Variants in FAM83B observed in about 807,000 individuals in gnomAD.
FAM83B encodes the protein protein FAM83B.
Under a neutral mutation model 38.8 loss-of-function variants are expected in FAM83B, and 26 were observed. The ratio of observed to expected loss-of-function variants is 0.67; its 90% confidence interval spans 0.49 to 0.93. The LOEUF is 0.93. Among genes scored for constraint, FAM83B ranks in the 40% least tolerant of loss-of-function variants. The pLI is 0.00. For synonymous variants in FAM83B, 419 were observed against 423.1 expected (o/e 0.99, Z 0.12); for missense variants, 1,237 against 1,197.3 (o/e 1.03, Z -0.49).
At chr6:54,895,386 C>G (rs1466462928) in intron 2 of FAM83B, among the ~76,000 whole-genome samples, 1 of 152,164 alleles carries the variant, frequency 6.6e-6, no homozygotes, top group Non-Finnish European at 1.5e-5. Flanking sequence ...CTCCGTGGGA[C>G]TTGTACATTT....
chr6:54,870,630 A>G lies in FAM83B; in HGVS notation c.384A>G (p.Pro128=). Reference sequence around the variant, plus strand: ...ATATAGATCTCCTTTTTCATCCACCAAGAGCACATCTACTTACGATAAAAG... The same window carrying G: ...ATATAGATCTCCTTTTTCATCCACCGAGAGCACATCTACTTACGATAAAAG... ...GTHIDLLFHP[P]RAHLLTIKET... The change falls in exon 2 of 5, where the codon CCA becomes CCG. Residue 128 remains proline (P), a synonymous_variant. Coordinates refer to ENST00000306858, the MANE Select transcript of FAM83B (RefSeq NM_001010872.3). The G allele has an allele frequency of 6.2e-7, 1 of 1,613,828 alleles. No individual in the cohort carries two copies. Among genetic ancestry groups the G allele is most frequent in the Non-Finnish European group, 8.5e-7 (1 of 1,179,912 alleles).
chr6:54,864,005 G>A (rs1204168377), intron 1 of FAM83B, among the ~76,000 whole-genome samples: 3 of 152,148 alleles, frequency 2.0e-5, no homozygotes, highest in Non-Finnish European at 4.4e-5. Flanking sequence ...TTTAAGCCAT[G>A]TATAATCCTT....
At position 54,850,946 on chromosome 6, in the gene FAM83B, A is replaced by C. The variant is rs9396001; in HGVS notation, c.-61+4120A>C. ...AGGCAGAGAATTTTTTGAACCTGGG[A>C]GGCAGAGCTTGCAGTGAGCCCAGGT... On this transcript the variant is annotated intron_variant, in intron 1 of 4. Transcript: ENST00000306858. Among the ~76,000 whole-genome samples, 446 of 142,718 alleles carry C rather than the reference A, an allele frequency of 3.1e-3. 6 individuals are homozygous for C. In the East Asian group the frequency reaches 0.031, roughly 10 times the overall value. 93.6% of individuals were successfully genotyped at this position (142,718 alleles called of 152,430 possible).
chr6:54,903,783 A>T (rs1228272373), intron 2 of FAM83B, among the ~76,000 whole-genome samples: 2 of 151,804 alleles, frequency 1.3e-5, no homozygotes, highest in Non-Finnish European at 2.9e-5. Flanking sequence ...ATACTATTTT[A>T]TTCTAGCATA....
intron 1 of FAM83B, among the ~76,000 whole-genome samples, chr6:54,852,969 A>G (rs1771346094): frequency 6.6e-6 from 1 of 151,438 alleles, no homozygotes; most frequent in African/African-American, 2.4e-5. Context: ...CTCATTGGCT[A>G]TTGTTGTTAG....
intron 2 of FAM83B, among the ~76,000 whole-genome samples, chr6:54,882,650 C>T (rs1286343648): frequency 6.6e-6 from 1 of 152,136 alleles, no homozygotes; most frequent in African/African-American, 2.4e-5. Flanking sequence ...CACATGGACT[C>T]CAACTCATAA....
intron 2 of FAM83B, among the ~76,000 whole-genome samples, chr6:54,918,094 T>A (rs1773086617): frequency 6.6e-6 from 1 of 152,172 alleles, no homozygotes; most frequent in Non-Finnish European, 1.5e-5. Context: ...AATAGTCATA[T>A]ATAAATATTG....
In FAM83B at chr6:54,939,850, G is replaced by A; in HGVS notation, c.879G>A (p.Arg293=). ...PSSFAQEESA[R]VKHGKALWEN... is the part of the protein sequence containing the mutation. Reference sequence around the variant, plus strand: ...CATTTGCTCAGGAAGAATCAGCAAGGGTGAAGCATGGAAAAGCCCTCTGGG... The same window carrying A: ...CATTTGCTCAGGAAGAATCAGCAAGAGTGAAGCATGGAAAAGCCCTCTGGG... Residue 293 remains arginine (R), a synonymous_variant, in exon 5 of 5, where the codon AGG becomes AGA. Transcript: ENST00000306858. The A allele has an allele frequency of 2.5e-6, 4 of 1,613,970 alleles. No individual in the cohort carries two copies. The highest frequency in any genetic ancestry group is 3.4e-6 in the Non-Finnish European group (4 of 1,179,948).
At chr6:54,856,226 T>C (rs1312067634) in intron 1 of FAM83B, among the ~76,000 whole-genome samples, 2 of 152,162 alleles carry the variant, frequency 1.3e-5, no homozygotes, top group Non-Finnish European at 2.9e-5. Context: ...CATATGTAAA[T>C]TGTGCAGAGC....
intron 1 of FAM83B, among the ~76,000 whole-genome samples, chr6:54,850,729 A>G (rs1033242241): frequency 2.0e-5 from 3 of 152,270 alleles, no homozygotes; most frequent in Admixed American, 6.5e-5. Flanking sequence ...TAAAAGTACT[A>G]TATTTTAACG....
intron 2 of FAM83B, among the ~76,000 whole-genome samples, chr6:54,910,905 A>C (rs1403699045): frequency 6.6e-6 from 1 of 152,148 alleles, no homozygotes; most frequent in African/African-American, 2.4e-5. Context: ...GGGATGTAAC[A>C]ACAGTTTGTA....
At chr6:54,848,607 C>A (rs886277631) in intron 1 of FAM83B, among the ~76,000 whole-genome samples, 3 of 152,188 alleles carry the variant, frequency 2.0e-5, no homozygotes, top group Non-Finnish European at 4.4e-5. Context: ...CCTCTACCGT[C>A]CACCGTTCTT....
chr6:54,872,977 G>A (rs1771893893), intron 2 of FAM83B, among the ~76,000 whole-genome samples: 2 of 148,142 alleles, frequency 1.4e-5, no homozygotes, highest in African/African-American at 2.5e-5. Flanking sequence ...AGACGACTTC[G>A]ATTTGGTGCA....
Position 54,944,095 on chromosome 6 carries a change from A to T in FAM83B, c.*2088A>T, listed in dbSNP as rs1441946631. ...TTTCTTGTATCTTTTTTCTTCAAAA[A>T]TATCTATATTTGAGAATATGTACAT... On this transcript the variant is annotated 3_prime_UTR_variant, in exon 5 of 5. Coordinates refer to ENST00000306858, the MANE Select transcript of FAM83B (RefSeq NM_001010872.3). 1 of 152,134 alleles carries T rather than the reference A, an allele frequency of 6.6e-6. No homozygotes were observed. Among genetic ancestry groups the T allele is most frequent in the African/African-American group, 2.4e-5 (1 of 41,446 alleles). 9.4% of individuals were successfully genotyped at this position (152,134 alleles called of 1,614,324 possible).
At chr6:54,903,176 G>A (rs990798011) in intron 2 of FAM83B, among the ~76,000 whole-genome samples, 3 of 151,916 alleles carry the variant, frequency 2.0e-5, no homozygotes, top group Non-Finnish European at 2.9e-5. Flanking sequence ...CATTATATAC[G>A]TGTACCATAA....
chr6:54,885,067 C>T (rs1295020735), intron 2 of FAM83B, among the ~76,000 whole-genome samples: 1 of 152,010 alleles, frequency 6.6e-6, no homozygotes, highest in Non-Finnish European at 1.5e-5. Context: ...CCACTGCGCC[C>T]GGCCCAGTAA....
chr6:54,900,852 A>G (rs1772646291), intron 2 of FAM83B, among the ~76,000 whole-genome samples: 1 of 152,216 alleles, frequency 6.6e-6, no homozygotes, highest in South Asian at 2.1e-4. Context: ...AAAGGCTGGG[A>G]AATGTGGGCA....
chr6:54,920,489 G>C (rs1054257489), intron 2 of FAM83B, among the ~76,000 whole-genome samples: 2 of 151,610 alleles, frequency 1.3e-5, no homozygotes, highest in African/African-American at 4.8e-5. Context: ...ATTAACCCAA[G>C]GTACACCTAT....
intron 2 of FAM83B, among the ~76,000 whole-genome samples, chr6:54,896,492 T>G (rs1020981702): frequency 5.9e-5 from 9 of 152,154 alleles, no homozygotes; most frequent in African/African-American, 2.2e-4. Flanking sequence ...CACATCAGAT[T>G]ATAAGTATGA....
Sources: gnomAD v4.1 joint callset for allele counts (sites outside exome capture counted in the v4.1 genomes callset) on GRCh38, gnomAD v4.1.1 for gene constraint, MANE v1.5 for transcripts, NCBI Gene and HGNC (gene_info 2026-07-23, HGNC 2026-07-21) for gene names.